Variants in DIAPH2 observed in about 807,000 individuals in gnomAD.
The protein encoded by DIAPH2 is protein diaphanous homolog 2.
A neutral mutation model predicts 92.7 loss-of-function variants in DIAPH2; 35 were observed. That is an observed-to-expected ratio of 0.38 (90% CI 0.29 to 0.50). The LOEUF is 0.50. DIAPH2 is among the 20% of genes least tolerant of loss of function. The pLI, the probability that DIAPH2 is intolerant of heterozygous loss-of-function variation, is 0.94. For missense variants in DIAPH2, 701 were observed against 819.5 expected (o/e 0.86, Z 1.77); for synonymous variants, 301 against 280.4 (o/e 1.07, Z -0.73).
At chrX:97,182,332 A>G (rs1321319412) in intron 22 of DIAPH2, among the ~76,000 whole-genome samples, 2 of 112,050 alleles carry the variant, frequency 1.8e-5, no homozygotes, top group Non-Finnish European at 3.8e-5. Flanking sequence ...ACTGAGAGAA[A>G]TCCTGTGGTG....
Position 96,972,201 on chromosome X carries a change from C to T in DIAPH2, c.2050+6994C>T, listed in dbSNP as rs184469092. On this transcript the variant is annotated intron_variant, in intron 17 of 26. Transcript: ENST00000324765. Reference sequence around the variant, plus strand: ...TGTTCTAAAACCTCTGATTATTTTTCACTACTGCAAGAACATAGGAGAGCT... The same window carrying T: ...TGTTCTAAAACCTCTGATTATTTTTTACTACTGCAAGAACATAGGAGAGCT... 4.9e-3 allele frequency among the ~76,000 whole-genome samples: 544 copies of T among 111,599 alleles called. 3 individuals are homozygous for T. The highest frequency in any genetic ancestry group is 5.9e-3 in the Non-Finnish European group (315 of 53,122).
rs1297909241 is a variant in DIAPH2, at chrX:96,937,535, A to G, written c.1208+184A>G. On this transcript the variant is annotated intron_variant, in intron 11 of 26. Transcript: ENST00000324765. ...GTTGAGGAATTGTCAGGCTGTCTTG[A>G]TGATTTACACAGAGTGTATTGAAAT... Among the ~76,000 whole-genome samples, 2 of 111,773 alleles carry G rather than the reference A, an allele frequency of 1.8e-5. No homozygotes were observed. The highest frequency in any genetic ancestry group is 1.9e-4 in the Admixed American group (2 of 10,506).
intron 26 of DIAPH2, among the ~76,000 whole-genome samples, chrX:97,500,766 A>ATG (rs2070790442): frequency 9.7e-5 from 1 of 10,354 alleles, no homozygotes; most frequent in Non-Finnish European, 1.7e-4. Context: ...TCAAGGAGAT[A>ATG]TATATATATA....
intron 4 of DIAPH2, among the ~76,000 whole-genome samples, chrX:96,814,564 C>T (rs1489132829): frequency 1.8e-5 from 2 of 112,118 alleles, no homozygotes; most frequent in African/African-American, 3.2e-5. Context: ...AGTTTTGTTC[C>T]GTTGCTGTCT....
chrX:97,186,895 A>G (rs2067609115), intron 22 of DIAPH2, among the ~76,000 whole-genome samples: 1 of 111,991 alleles, frequency 8.9e-6, no homozygotes, highest in South Asian at 3.7e-4. Context: ...GATACACATC[A>G]TCCAAGATAA....
chrX:97,124,679 T>TAC (rs935070551), intron 21 of DIAPH2, among the ~76,000 whole-genome samples: 14 of 111,196 alleles, frequency 1.3e-4, no homozygotes, highest in East Asian at 2.8e-4. Flanking sequence ...TGTTGCCTAT[T>TAC]ACACACACAC....
chrX:97,055,049 G>A (rs1293840710), intron 17 of DIAPH2, among the ~76,000 whole-genome samples: 4 of 106,289 alleles, frequency 3.8e-5, no homozygotes, highest in African/African-American at 1.0e-4. Flanking sequence ...TTATTTTAGC[G>A]ACAGGGTCTT....
chrX:97,007,760 T>C (rs1157819224), intron 17 of DIAPH2, among the ~76,000 whole-genome samples: 1 of 103,741 alleles, frequency 9.6e-6, no homozygotes, highest in African/African-American at 3.7e-5. Flanking sequence ...TTTCTTTTTT[T>C]CTTTTTTTTT....
intron 26 of DIAPH2, among the ~76,000 whole-genome samples, chrX:97,460,228 C>T (rs920814491): frequency 8.0e-5 from 9 of 111,881 alleles, no homozygotes; most frequent in Admixed American, 2.8e-4. Context: ...GTAAACTTAA[C>T]GAGGCTCCAC....
chrX:97,277,345 G>T (rs1423613073), intron 23 of DIAPH2, among the ~76,000 whole-genome samples: 1 of 109,801 alleles, frequency 9.1e-6, no homozygotes, highest in Non-Finnish European at 1.9e-5. Context: ...CGCAAAAAAA[G>T]AAAAAATTAA....
At chrX:96,839,672 T>C (rs1206471723) in intron 4 of DIAPH2, among the ~76,000 whole-genome samples, 1 of 112,142 alleles carries the variant, frequency 8.9e-6, no homozygotes, top group Admixed American at 9.5e-5. Flanking sequence ...GCATGAACTT[T>C]TTCCCCTTTC....
chrX:97,340,307 C>T (rs1031273441), intron 23 of DIAPH2, among the ~76,000 whole-genome samples: 12 of 111,641 alleles, frequency 1.1e-4, no homozygotes, highest in Non-Finnish European at 2.3e-4. Flanking sequence ...AGGCTTCTCC[C>T]TCAGTGCTGC....
chrX:96,940,510 A>G (rs2065697539), intron 12 of DIAPH2, among the ~76,000 whole-genome samples: 1 of 111,551 alleles, frequency 9.0e-6, no homozygotes, highest in Non-Finnish European at 1.9e-5. Context: ...CTGACAACCT[A>G]GGTTCTTTGA....
Position 96,939,668 on chromosome X carries a change from A to ATTT in DIAPH2, c.1325+298_1325+300dup, listed in dbSNP as rs752101731. ...ATAAGAGTTTGACTCTTTAGGTAAC[A>ATTT]TTTTTTTTTTTTTTGAGACGGAGTT... On this transcript the variant is annotated intron_variant, in intron 12 of 26. Coordinates refer to ENST00000324765, the MANE Select transcript of DIAPH2 (RefSeq NM_006729.5). 2.7e-4 allele frequency among the ~76,000 whole-genome samples: 13 copies of ATTT among 48,246 alleles called. 3 individuals carry two copies. Among genetic ancestry groups the ATTT allele is most frequent in the East Asian group, 1.1e-3 (2 of 1,870 alleles). 41.9% of individuals were successfully genotyped at this position (48,246 alleles called of 115,157 possible). A position where few individuals can be genotyped will look rare whatever the true frequency, so the allele number is the denominator to read the frequency against.
rs1490953603 is a variant in DIAPH2, at chrX:97,600,508, T to TATTAA, written c.*1192_*1196dup. ...ATTATCATCATACTTACTTACCTTA[T>TATTAA]ATTAACAAATTAAGATGATGCTGCC... On this transcript the variant is annotated 3_prime_UTR_variant, in exon 27 of 27. Coordinates refer to ENST00000324765, the MANE Select transcript of DIAPH2 (RefSeq NM_006729.5). The TATTAA allele has an allele frequency of 1.8e-5, 2 of 112,359 alleles. No homozygotes were observed. Among genetic ancestry groups the TATTAA allele is most frequent in the Non-Finnish European group, 1.9e-5 (1 of 53,192 alleles). The allele number at this position is 112,359 out of a possible 1,213,427, so 9.3% of individuals were successfully genotyped here.
At chrX:97,190,630 C>T (rs1411213097) in intron 22 of DIAPH2, among the ~76,000 whole-genome samples, 1 of 109,680 alleles carries the variant, frequency 9.1e-6, no homozygotes, top group Non-Finnish European at 1.9e-5. Context: ...GGGTGGATCA[C>T]GAGTTCAGGA....
At chrX:96,685,470 G>T (rs1332087588) in intron 1 of DIAPH2, among the ~76,000 whole-genome samples, 1 of 113,097 alleles carries the variant, frequency 8.8e-6, no homozygotes, top group African/African-American at 3.2e-5. Flanking sequence ...GACACCCCGA[G>T]TACTGGGTAG....
At chrX:97,372,575 T>C (rs1027832110) in intron 24 of DIAPH2, among the ~76,000 whole-genome samples, 1 of 112,186 alleles carries the variant, frequency 8.9e-6, no homozygotes, top group African/African-American at 3.2e-5. Context: ...TTCTCCCCTC[T>C]GCCAAAAGGG....
intron 20 of DIAPH2, among the ~76,000 whole-genome samples, chrX:97,112,617 G>A (rs1377482160): frequency 1.3e-4 from 14 of 109,522 alleles, no homozygotes; most frequent in African/African-American, 4.3e-4. Flanking sequence ...GGACTCTTTA[G>A]ATACATTGTT....
Sources: gnomAD v4.1 joint callset for allele counts (sites outside exome capture counted in the v4.1 genomes callset) on GRCh38, gnomAD v4.1.1 for gene constraint, MANE v1.5 for transcripts, NCBI Gene and HGNC (gene_info 2026-07-23, HGNC 2026-07-21) for gene names.